POLG2: variants seen among roughly 807,000 people sequenced by gnomAD.
The protein encoded by POLG2 is DNA polymerase gamma 2, accessory subunit, also known as DNA polymerase subunit gamma-2.
POLG2 carries 50 observed loss-of-function variants against 56.5 expected under a neutral mutation model. The ratio of observed to expected loss-of-function variants is 0.88; its 90% CI spans 0.71 to 1.12. POLG2 has a LOEUF of 1.12. POLG2 is among the 50% of genes most tolerant of loss of function. The probability of loss-of-function intolerance (pLI) is 0.00; values close to 1 mark genes in which losing one functional copy is unlikely to be tolerated. For synonymous variants in POLG2, 226 were observed against 222.6 expected (o/e 1.02, Z -0.14); for missense variants, 584 against 583.3 (o/e 1.00, Z -0.01).
intron 6 of POLG2, 87 bp from the exon 7 acceptor site, chr17:64,480,476 C>A: frequency 1.6e-6 from 1 of 617,594 alleles, no homozygotes; most frequent in East Asian, 3.2e-5. Context: ...ACAAATCACC[C>A]TCTTCAATCT....
chr17:64,492,895 C>A lies in POLG2; in HGVS notation c.689G>T (p.Ser230Ile), dbSNP rs782617540. The A allele has an allele frequency of 6.2e-7, 1 of 1,614,044 alleles. No homozygotes were observed. The highest frequency in any genetic ancestry group is 8.5e-7 in the Non-Finnish European group (1 of 1,179,932). The change falls in exon 2 of 8, where the codon AGT (serine) becomes ATT (isoleucine). Residue 230 changes from serine to isoleucine, a missense_variant and splice_region_variant. Ser to Ile is a moderately radical substitution (Grantham distance 142). Transcript: ENST00000539111. ...DTKQIRNGVKSIGEKTEASLV... is the reference protein window; with the variant it reads ...DTKQIRNGVKIIGEKTEASLV... ...CCAAGTTATTTGCCACTTTTTATAC[C>A]TTTTAACACCATTTCGTATCTGCTT...
At chr17:64,479,686 C>CCAGG (rs1555666121) in intron 7 of POLG2, among the ~76,000 whole-genome samples, 1 of 152,046 alleles carries the variant, frequency 6.6e-6, no homozygotes, top group Non-Finnish European at 1.5e-5. Flanking sequence ...TTTCAATAAT[C>CCAGG]CAGGCAAGAG....
chr17:64,483,436 C>A (rs1307557956), intron 5 of POLG2, among the ~76,000 whole-genome samples: 2 of 151,914 alleles, frequency 1.3e-5, no homozygotes, highest in Non-Finnish European at 2.9e-5. Flanking sequence ...GAATGCTTGA[C>A]CCGGGAGGTC....
intron 3 of POLG2, 99 bp downstream of exon 3, chr17:64,492,568 T>A: frequency 1.4e-6 from 1 of 720,572 alleles, no homozygotes; most frequent in South Asian, 1.5e-5. Context: ...AATAGCTACA[T>A]ACATCAAATA....
chr17:64,485,573 T>C, intron 5 of POLG2, 155 bp downstream of exon 5: 1 of 664,688 alleles, frequency 1.5e-6, no homozygotes, highest in Non-Finnish European at 2.7e-6. Flanking sequence ...TTCTTATTCC[T>C]GTGGCCAGAT....
At chr17:64,489,072 C>A (rs1343241952) in intron 4 of POLG2, among the ~76,000 whole-genome samples, 1 of 144,750 alleles carries the variant, frequency 6.9e-6, no homozygotes, top group Non-Finnish European at 1.5e-5. Flanking sequence ...GTTGCACAGG[C>A]TGGAGTGCAG....
chr17:64,492,216 T>C (rs1329244961), intron 3 of POLG2, among the ~76,000 whole-genome samples: 2 of 152,232 alleles, frequency 1.3e-5, no homozygotes, highest in Non-Finnish European at 2.9e-5. Flanking sequence ...TTGGGGATGT[T>C]TGAGTCGGGA....
intron 4 of POLG2, among the ~76,000 whole-genome samples, chr17:64,490,072 A>C (rs1555668222): frequency 6.6e-6 from 1 of 152,056 alleles, no homozygotes; most frequent in East Asian, 1.9e-4. Flanking sequence ...CTATAAGGGC[A>C]AGCCACCACA....
Position 64,485,777 on chromosome 17 carries a change from A to G in POLG2, c.1061T>C (p.Phe354Ser). The change falls in exon 5 of 8, where the codon TTC (phenylalanine) becomes TCC (serine). Residue 354 changes from phenylalanine to serine, a missense_variant. Transcript: ENST00000539111. Reference sequence around the variant, plus strand: ...TGTAAAGGAGTTCTCTGTCAGCTGGAAAGAATCATAGAGGTAGGCCAGCAT... The same window carrying G: ...TGTAAAGGAGTTCTCTGTCAGCTGGGAAGAATCATAGAGGTAGGCCAGCAT... The part of the protein sequence containing the change: ...RGMLAYLYDS[F>S]QLTENSFTRK... 1 of 1,612,976 alleles carries G rather than the reference A, an allele frequency of 6.2e-7. No individual in the cohort carries two copies. Among genetic ancestry groups the G allele is most frequent in the Non-Finnish European group, 8.5e-7 (1 of 1,178,898 alleles).
Position 64,496,854 on chromosome 17 carries a change from G to C in POLG2, c.115C>G (p.Pro39Ala). The C allele has an allele frequency of 2.5e-6, 4 of 1,613,712 alleles. No individual in the cohort carries two copies. Among genetic ancestry groups the C allele is most frequent in the Non-Finnish European group, 3.4e-6 (4 of 1,180,016 alleles). ...QPELLTERSSPKGGHVKSHAE... is the reference protein window; with the variant it reads ...QPELLTERSSAKGGHVKSHAE... The stretch of plus-strand genomic sequence containing the variant: ...TGCGACTTCACATGCCCTCCTTTGG[G>C]GCTACTCCTTTCCGTCAACAGCTCC... Residue 39 changes from proline (P) to alanine (A), a missense_variant, in exon 1 of 8, where the codon CCC (proline) becomes GCC (alanine). Transcript: ENST00000539111.
chr17:64,485,598 A>T (rs1187874905), intron 5 of POLG2, 130 bp downstream of exon 5: 1 of 789,442 alleles, frequency 1.3e-6, no homozygotes, highest in Non-Finnish European at 2.1e-6. Flanking sequence ...AAAAAACTGA[A>T]AAATACTTAG....
intron 7 of POLG2, among the ~76,000 whole-genome samples, chr17:64,479,399 G>A (rs1183000664): frequency 6.6e-6 from 1 of 151,944 alleles, no homozygotes; most frequent in African/African-American, 2.4e-5. Flanking sequence ...TGGCCAGGCT[G>A]GTCTTGAACT....
At position 64,488,139 on chromosome 17, in the gene POLG2, G is replaced by A. The variant is rs117631921; in HGVS notation, c.970-2271C>T. 2.6e-3 allele frequency among the ~76,000 whole-genome samples: 390 copies of A among 152,224 alleles called. 13 individuals carry two copies. The East Asian group carries it at 0.055, about 22-fold the overall frequency. ...AGCACTTTGGGAGGCTAAGGCAGGA[G>A]GATTGCTTGAGCCCAGGAGTTCAAG... is the stretch of plus-strand genomic sequence containing the variant. On this transcript the variant is annotated intron_variant, in intron 4 of 7. Transcript: ENST00000539111.
intron 7 of POLG2, 89 bp from the exon 8 acceptor site, chr17:64,478,077 A>G: frequency 7.3e-7 from 1 of 1,374,218 alleles, no homozygotes; most frequent in Non-Finnish European, 1.0e-6. Context: ...GTGTTCATGC[A>G]CTCTCAAGAG....
At position 64,486,666 on chromosome 17, in the gene POLG2, G is replaced by A. The variant is rs557685733; in HGVS notation, c.970-798C>T. ...GGCGTGAGCCACTGCGCCCTACCTC[G>A]AAAGGTAACACTTTTAAGTAAAAAT... On this transcript the variant is annotated intron_variant, in intron 4 of 7. Coordinates refer to ENST00000539111, the MANE Select transcript of POLG2 (RefSeq NM_007215.4). Among the ~76,000 whole-genome samples the A allele has an allele frequency of 1.3e-4, 20 of 152,164 alleles. No individual in the cohort carries two copies. The East Asian group carries it at 3.5e-3, about 26-fold the overall frequency.
rs144482843 is a variant in POLG2 at position 64,483,320 on chromosome 17, C to T, written c.1111-321G>A. Among the ~76,000 whole-genome samples, 925 of 152,066 alleles carry T rather than the reference C, an allele frequency of 6.1e-3. 11 individuals carry two copies. Among genetic ancestry groups the T allele is most frequent in the African/African-American group, 0.02 (842 of 41,468 alleles). ...CTTGAGCTCAGGAGTTTGAGACCAG[C>T]CTGGGCAACACGGTGAAAACTTCTC... is the stretch of plus-strand genomic sequence containing the variant. On this transcript the variant is annotated intron_variant, in intron 5 of 7. Coordinates refer to ENST00000539111, the MANE Select transcript of POLG2 (RefSeq NM_007215.4).
At position 64,496,596 on chromosome 17, in the gene POLG2, C is replaced by T. The variant is rs782546845; in HGVS notation, c.373G>A (p.Val125Ile). 3.1e-6 allele frequency: 5 copies of T among 1,613,594 alleles called. No individual in the cohort carries two copies. The highest frequency in any genetic ancestry group is 2.7e-5 in the African/African-American group (2 of 74,836). ...WTSVVVFREQ[V>I]FPVDALHHKP... is the part of the protein sequence containing the mutation. ...TGGTGGAGGGCGTCCACCGGGAATA[C>T]CTGCTCCCTGAACACCACCACCGAG... The change falls in exon 1 of 8, where the codon GTA becomes ATA. Residue 125 changes from valine to isoleucine, a missense_variant. Coordinates refer to ENST00000539111, the MANE Select transcript of POLG2 (RefSeq NM_007215.4).
chr17:64,487,338 G>A (rs190278664), intron 4 of POLG2: 4 of 152,284 alleles, frequency 2.6e-5, no homozygotes, highest in African/African-American at 7.2e-5. Context: ...ACTGGGCTGG[G>A]AGCAGTGGCT....
chr17:64,484,030 T>C (rs1417959969), intron 5 of POLG2: 1 of 152,258 alleles, frequency 6.6e-6, no homozygotes, highest in East Asian at 1.9e-4. Context: ...TTCTCATTCA[T>C]TAGTCCATCC....
Sources: allele counts gnomAD v4.1 joint callset (sites outside exome capture counted in the v4.1 genomes callset), GRCh38; gene constraint gnomAD v4.1.1; transcripts MANE v1.5; gene names NCBI Gene and HGNC (gene_info 2026-07-23, HGNC 2026-07-21).